LARS2: variants seen among roughly 807,000 people sequenced by gnomAD.
LARS2 encodes the protein leucine--tRNA ligase, mitochondrial.
A neutral mutation model predicts 116.6 loss-of-function variants in LARS2; 81 were observed. The ratio of observed to expected loss-of-function variants is 0.69; its 90% CI spans 0.58 to 0.84. The LOEUF is 0.84. LARS2 is among the 40% of genes least tolerant of loss of function. The probability of loss-of-function intolerance (pLI) is 0.00; values close to 1 mark genes in which losing one functional copy is unlikely to be tolerated. For synonymous variants in LARS2, 396 were observed against 407.2 expected, an observed-to-expected ratio of 0.97 and a Z score of 0.33; for missense variants, 968 against 1,114.5, an observed-to-expected ratio of 0.87 and a Z score of 1.87.
intron 4 of LARS2, among the ~76,000 whole-genome samples, chr3:45,401,574 C>G (rs538636585): frequency 6.6e-6 from 1 of 152,014 alleles, no homozygotes; most frequent in Non-Finnish European, 1.5e-5. Flanking sequence ...GGACAAACGC[C>G]CTTCCTTGGC....
At chr3:45,419,790 C>T in intron 6 of LARS2, 61 bp downstream of exon 6, 1 of 1,325,258 alleles carries the variant, frequency 7.5e-7, no homozygotes, top group South Asian at 1.2e-5. Context: ...TGGCAGGGAG[C>T]ACTCTTCTTC....
chr3:45,517,711 G>T (rs1326845881), intron 17 of LARS2, among the ~76,000 whole-genome samples, 192 bp from the exon 18 acceptor site: 1 of 152,230 alleles, frequency 6.6e-6, no homozygotes, highest in Non-Finnish European at 1.5e-5. Context: ...AAATGAGATA[G>T]AATTGGTCCT....
At chr3:45,407,207 G>A (rs1253882474) in intron 4 of LARS2, among the ~76,000 whole-genome samples, 2 of 152,212 alleles carry the variant, frequency 1.3e-5, no homozygotes, top group South Asian at 2.1e-4. Context: ...ATATCAGGAA[G>A]CAAGGGAAGT....
rs143552445 is a variant in LARS2, at chr3:45,411,346, C to T, written c.364-6136C>T. On this transcript the variant is annotated intron_variant, in intron 4 of 21. Transcript: ENST00000645846. The stretch of plus-strand genomic sequence containing the variant: ...CCCTAGTAGAGAGCAGTTATGCACC[C>T]GAGGTTGATCAAAGGTTGGTCTTAG... Among the ~76,000 whole-genome samples, 118 of 152,262 alleles carry T rather than the reference C, an allele frequency of 7.7e-4. 2 individuals are homozygous for T. The highest frequency in any genetic ancestry group is 2.4e-3 in the African/African-American group (101 of 41,536).
chr3:45,454,419 C>CA (rs970705062), intron 7 of LARS2, among the ~76,000 whole-genome samples: 3 of 125,424 alleles, frequency 2.4e-5, no homozygotes, highest in African/African-American at 7.5e-5. Flanking sequence ...AATGTTTAAC[C>CA]CTTTAATAAG....
chr3:45,514,131 A>G (rs9874229), intron 16 of LARS2, among the ~76,000 whole-genome samples: 142,451 of 151,568 alleles, frequency 0.94, 67,577 homozygotes, highest in East Asian at 1. Flanking sequence ...ACTTGAACCC[A>G]GGAGGTGGAG....
At chr3:45,507,593 G>A (rs887325536) in intron 15 of LARS2, among the ~76,000 whole-genome samples, 1 of 152,072 alleles carries the variant, frequency 6.6e-6, no homozygotes, top group Non-Finnish European at 1.5e-5. Flanking sequence ...TCTACGTGGA[G>A]CACACTTATA....
chr3:45,433,630 A>G lies in LARS2; in HGVS notation c.517-13261A>G, dbSNP rs375248991. On this transcript the variant is annotated intron_variant, in intron 6 of 21. Coordinates refer to ENST00000645846, the MANE Select transcript of LARS2 (RefSeq NM_015340.4). Reference sequence around the variant, plus strand: ...ATTTTTGCTTCAACCATCAAATACAATTCAGAAAACTCAAGAGAAAGAAAG... The same window carrying G: ...ATTTTTGCTTCAACCATCAAATACAGTTCAGAAAACTCAAGAGAAAGAAAG... Among the ~76,000 whole-genome samples the G allele has an allele frequency of 5.3e-5, 8 of 152,280 alleles. No homozygotes were observed. The South Asian group carries it at 1.7e-3, about 32-fold the overall frequency.
chr3:45,469,308 A>G (rs1008812329), intron 8 of LARS2, among the ~76,000 whole-genome samples: 1 of 152,188 alleles, frequency 6.6e-6, no homozygotes, highest in Admixed American at 6.5e-5. Context: ...TGTCTTCTCT[A>G]AAGTCAAACA....
chr3:45,525,410 A>G (rs542732674), intron 20 of LARS2, among the ~76,000 whole-genome samples: 2 of 152,338 alleles, frequency 1.3e-5, no homozygotes, highest in East Asian at 3.9e-4. Flanking sequence ...TACCATATCT[A>G]CAGTTTCTGA....
At chr3:45,420,993 G>A (rs1575242516) in intron 6 of LARS2, among the ~76,000 whole-genome samples, 1 of 152,144 alleles carries the variant, frequency 6.6e-6, no homozygotes, top group East Asian at 1.9e-4. Flanking sequence ...AATTTACAAA[G>A]TTCAAATCAA....
intron 12 of LARS2, among the ~76,000 whole-genome samples, chr3:45,491,101 A>T (rs1221634545): frequency 1.3e-5 from 2 of 152,186 alleles, no homozygotes; most frequent in Non-Finnish European, 2.9e-5. Context: ...CTGATATTTG[A>T]TGATCTCTGT....
intron 8 of LARS2, among the ~76,000 whole-genome samples, chr3:45,459,268 G>A (rs1461702929): frequency 6.6e-6 from 1 of 152,178 alleles, no homozygotes; most frequent in Non-Finnish European, 1.5e-5. Flanking sequence ...CCTCCAGAAA[G>A]ATAGAATGAA....
At position 45,388,685 on chromosome 3, in the gene LARS2, A is replaced by G. The variant is rs1186154667; in HGVS notation, c.-88+5A>G. 1 of 151,856 alleles carries G rather than the reference A, an allele frequency of 6.6e-6. No homozygotes were observed. Among genetic ancestry groups the G allele is most frequent in the African/African-American group, 2.4e-5 (1 of 41,266 alleles). The allele number at this position is 151,856 out of a possible 1,614,324, so 9.4% of individuals were successfully genotyped here. A position where few individuals can be genotyped will look rare whatever the true frequency, so the allele number is the denominator to read the frequency against. On this transcript the variant is annotated splice_donor_5th_base_variant and intron_variant, in intron 1 of 21. Coordinates refer to ENST00000645846, the MANE Select transcript of LARS2 (RefSeq NM_015340.4). ...CAGGCCAGAGCCTGTGAGCAGGTAA[A>G]CCCCCGGACCGGGCGCAGCGAGATG...
intron 7 of LARS2, among the ~76,000 whole-genome samples, chr3:45,456,876 A>G (rs1244601762): frequency 2.0e-5 from 3 of 152,178 alleles, no homozygotes; most frequent in African/African-American, 7.2e-5. Context: ...CAACCCACAG[A>G]TAGGTTAGCC....
Position 45,474,266 on chromosome 3 carries a change from C to A in LARS2, c.774C>A (p.Asp258Glu). ...YAKAMQDALA[D>E]LPEWYGIKGM... ...AGGCCATGCAGGACGCGTTGGCAGA[C>A]CTTCCAGAATGGTATGGAATAAAAG... is the stretch of plus-strand genomic sequence containing the variant. The change falls in exon 9 of 22, where the codon GAC (aspartate) becomes GAA (glutamate). Residue 258 changes from aspartate (D) to glutamate (E), a missense_variant. Coordinates refer to ENST00000645846, the MANE Select transcript of LARS2 (RefSeq NM_015340.4). 3 of 1,610,464 alleles carry A rather than the reference C, an allele frequency of 1.9e-6. No homozygotes were observed. Among genetic ancestry groups the A allele is most frequent in the Middle Eastern group, 1.7e-4 (1 of 6,038 alleles).
rs1385241087 is a variant in LARS2, at chr3:45,491,589, G to C, written c.1312G>C (p.Asp438His). The change falls in exon 13 of 22, where the codon GAC (aspartate) becomes CAC (histidine). Residue 438 changes from aspartate (D) to histidine (H), a missense_variant. Coordinates refer to ENST00000645846, the MANE Select transcript of LARS2 (RefSeq NM_015340.4). ...AGCCCGGGGGAAGAGAGTGGGTGGA[G>C]ACGTGACAAGTGATAAACTGAAAGA... ...QKARGKRVGG[D>H]VTSDKLKDWL... is the part of the protein sequence containing the mutation. The C allele has an allele frequency of 3.7e-6, 6 of 1,614,218 alleles. No individual in the cohort carries two copies. In the East Asian group the frequency reaches 1.1e-4, roughly 30 times the overall value.
At chr3:45,462,275 G>A (rs1559476996) in intron 8 of LARS2, among the ~76,000 whole-genome samples, 1 of 152,050 alleles carries the variant, frequency 6.6e-6, no homozygotes, top group Non-Finnish European at 1.5e-5. Flanking sequence ...CAGACATCGT[G>A]TCTCCATTCA....
chr3:45,541,835 C>T lies in LARS2; in HGVS notation c.2411C>T (p.Ala804Val), dbSNP rs543532919. The change falls in exon 21 of 22, where the codon GCG becomes GTG. Residue 804 changes from alanine (A) to valine (V), a missense_variant. Physicochemically the swap from Ala to Val is moderately conservative, Grantham distance 64. Coordinates refer to ENST00000645846, the MANE Select transcript of LARS2 (RefSeq NM_015340.4). The stretch of plus-strand genomic sequence containing the variant: ...CTGTGCCTCGGCATTGCAGGCCTGG[C>T]GCTGGTGCCGAGGAAGCTCTGTGCC... Reference protein sequence around the residue: ...HVTSEIWAGLALVPRKLCAHY... With the variant: ...HVTSEIWAGLVLVPRKLCAHY... 9.9e-6 allele frequency: 16 copies of T among 1,614,114 alleles called. No homozygotes were observed. Among genetic ancestry groups the T allele is most frequent in the African/African-American group, 5.3e-5 (4 of 75,070 alleles).
Sources: gnomAD v4.1 joint callset for allele counts (sites outside exome capture counted in the v4.1 genomes callset) on GRCh38, gnomAD v4.1.1 for gene constraint, MANE v1.5 for transcripts, NCBI Gene and HGNC (gene_info 2026-07-23, HGNC 2026-07-21) for gene names.